GPC5: variants seen among roughly 807,000 people sequenced by gnomAD.
The protein encoded by GPC5 is glypican 5.
A neutral mutation model predicts 53.9 loss-of-function variants in GPC5; 47 were observed. The ratio of observed to expected loss-of-function variants is 0.87; its 90% CI spans 0.69 to 1.11. The LOEUF is 1.11. Ranked by LOEUF, GPC5 falls within the 50% of genes most tolerant of loss-of-function variation. The pLI is 0.00. For synonymous variants in GPC5, 286 were observed against 263.3 expected (o/e 1.09, Z -0.84); for missense variants, 748 against 713.1 (o/e 1.05, Z -0.56).
chr13:92,757,181 AT>A (rs995093872), intron 7 of GPC5, among the ~76,000 whole-genome samples: 1 of 152,204 alleles, frequency 6.6e-6, no homozygotes, highest in African/African-American at 2.4e-5. Flanking sequence ...AACGCCGCAT[AT>A]CTACAACTAT....
At chr13:92,845,723 C>T (rs935727806) in intron 7 of GPC5, among the ~76,000 whole-genome samples, 1 of 151,972 alleles carries the variant, frequency 6.6e-6, no homozygotes, top group African/African-American at 2.4e-5. Context: ...CTATCTATAC[C>T]GATTTACAGT....
intron 6 of GPC5, among the ~76,000 whole-genome samples, chr13:92,048,970 A>G (rs1287759149): frequency 6.6e-6 from 1 of 152,194 alleles, no homozygotes; most frequent in African/African-American, 2.4e-5. Flanking sequence ...GAACAGATTT[A>G]TTTTAATATG....
chr13:91,581,214 G>C (rs567630916), intron 2 of GPC5, among the ~76,000 whole-genome samples: 1 of 152,280 alleles, frequency 6.6e-6, no homozygotes, highest in South Asian at 2.1e-4. Flanking sequence ...GTGTCTATGT[G>C]TGTGTCCAGT....
chr13:92,154,776 TATTTG>T (rs958495146), intron 7 of GPC5, among the ~76,000 whole-genome samples: 5 of 152,326 alleles, frequency 3.3e-5, no homozygotes, highest in Admixed American at 2.6e-4. Context: ...CATGAGACTT[TATTTG>T]TTTTACTGGG....
chr13:91,415,331 G>C lies in GPC5; in HGVS notation c.163+16122G>C, dbSNP rs140134162. Among the ~76,000 whole-genome samples, 913 of 152,264 alleles carry C rather than the reference G, an allele frequency of 6.0e-3. 9 individuals are homozygous for C. The highest frequency in any genetic ancestry group is 0.024 in the Middle Eastern group (7 of 294). ...TACATGTGCAGGCAACTATCTAGAC[G>C]CTTGTGGAGCAGGGTGCTAACGTGA... On this transcript the variant is annotated intron_variant, in intron 1 of 7. Coordinates refer to ENST00000377067, the MANE Select transcript of GPC5 (RefSeq NM_004466.6).
chr13:91,828,110 T>A (rs114467922), intron 5 of GPC5, among the ~76,000 whole-genome samples: 6,588 of 152,164 alleles, frequency 0.043, 169 homozygotes, highest in Middle Eastern at 0.065. Flanking sequence ...GTACTTAATA[T>A]TGAAATCTAA....
At chr13:92,607,493 A>T (rs1884293670) in intron 7 of GPC5, among the ~76,000 whole-genome samples, 1 of 152,188 alleles carries the variant, frequency 6.6e-6, no homozygotes, top group African/African-American at 2.4e-5. Flanking sequence ...AATCTCAGAC[A>T]TAAAAATAAG....
intron 6 of GPC5, among the ~76,000 whole-genome samples, chr13:91,932,165 G>T (rs149144820): frequency 1.3e-5 from 2 of 151,990 alleles, no homozygotes; most frequent in Non-Finnish European, 2.9e-5. Context: ...ATCCAATGTT[G>T]TATTTTCAGA....
intron 7 of GPC5, among the ~76,000 whole-genome samples, chr13:92,674,277 G>A (rs955969035): frequency 2.0e-5 from 3 of 152,134 alleles, no homozygotes; most frequent in Non-Finnish European, 4.4e-5. Flanking sequence ...TTAGAAAGAT[G>A]GGTTGAAGAA....
At chr13:92,530,910 C>T (rs1881541703) in intron 7 of GPC5, among the ~76,000 whole-genome samples, 1 of 152,140 alleles carries the variant, frequency 6.6e-6, no homozygotes, top group South Asian at 2.1e-4. Context: ...CATATAGATT[C>T]CCAAGTGATC....
chr13:91,556,824 G>C (rs2030983215), intron 2 of GPC5, among the ~76,000 whole-genome samples: 1 of 151,818 alleles, frequency 6.6e-6, no homozygotes, highest in Non-Finnish European at 1.5e-5. Flanking sequence ...CAGGGGAAAG[G>C]GTGTGAGGGG....
intron 1 of GPC5, among the ~76,000 whole-genome samples, chr13:91,447,179 C>A (rs368740813): frequency 2.0e-5 from 3 of 152,152 alleles, no homozygotes; most frequent in South Asian, 2.1e-4. Flanking sequence ...TGTTATTGTT[C>A]TTTTTATTCC....
intron 7 of GPC5, among the ~76,000 whole-genome samples, chr13:92,768,114 G>C (rs1875474532): frequency 6.6e-6 from 1 of 152,150 alleles, no homozygotes; most frequent in South Asian, 2.1e-4. Flanking sequence ...AATATAAATA[G>C]TGAAATGCTA....
At chr13:92,638,561 T>C (rs1885486988) in intron 7 of GPC5, among the ~76,000 whole-genome samples, 1 of 130,328 alleles carries the variant, frequency 7.7e-6, no homozygotes, top group African/African-American at 2.6e-5. Flanking sequence ...TTTTCTCTTA[T>C]ACTCCTCTTT....
At chr13:92,209,765 G>T (rs570454872) in intron 7 of GPC5, among the ~76,000 whole-genome samples, 1 of 152,218 alleles carries the variant, frequency 6.6e-6, no homozygotes, top group Admixed American at 6.5e-5. Flanking sequence ...GTGTATTAGG[G>T]TTCTCTAGAG....
At chr13:91,682,892 A>G (rs926051615) in intron 2 of GPC5, among the ~76,000 whole-genome samples, 7 of 152,170 alleles carry the variant, frequency 4.6e-5, no homozygotes, top group African/African-American at 1.4e-4. Flanking sequence ...GACTACAGTC[A>G]TTGTCTCCTG....
At chr13:91,945,574 C>T (rs773388073) in intron 6 of GPC5, among the ~76,000 whole-genome samples, 3 of 152,150 alleles carry the variant, frequency 2.0e-5, no homozygotes, top group Non-Finnish European at 2.9e-5. Flanking sequence ...TAGTGTTTCT[C>T]ATATGTGAAA....
At chr13:92,071,330 A>G (rs1270593228) in intron 6 of GPC5, among the ~76,000 whole-genome samples, 6 of 152,182 alleles carry the variant, frequency 3.9e-5, no homozygotes, top group Non-Finnish European at 7.4e-5. Context: ...TAGCTGGACA[A>G]TCATATAGAT....
chr13:92,640,603 C>T (rs1005114039), intron 7 of GPC5, among the ~76,000 whole-genome samples: 3 of 152,086 alleles, frequency 2.0e-5, no homozygotes, highest in African/African-American at 7.2e-5. Flanking sequence ...GGAACAAGAG[C>T]CTCTTGGAGA....
Sources: allele counts gnomAD v4.1 joint callset (sites outside exome capture counted in the v4.1 genomes callset), GRCh38; gene constraint gnomAD v4.1.1; transcripts MANE v1.5; gene names NCBI Gene and HGNC (gene_info 2026-07-23, HGNC 2026-07-21).